MUC3A: variants seen among roughly 807,000 people sequenced by gnomAD.
The protein encoded by MUC3A is mucin-3A.
Under a neutral mutation model 109.0 loss-of-function variants are expected in MUC3A, and 109 were observed. The observed-to-expected ratio is 1.00, with a 90% CI of 0.86 to 1.17. The LOEUF (loss-of-function observed/expected upper bound fraction) is 1.17, where lower values mean the gene tolerates loss of function less well. Among genes scored for constraint, MUC3A ranks in the 50% most tolerant of loss-of-function variants. MUC3A has a pLI of 0.00. For synonymous variants in MUC3A, 1,398 were observed against 981.4 expected, an observed-to-expected ratio of 1.42 and a Z score of -7.93; for missense variants, 3,537 against 2,469.4, an observed-to-expected ratio of 1.43 and a Z score of -9.16.
chr7:100,966,430 A>T lies in MUC3A; in HGVS notation c.9656A>T (p.Glu3219Val). The change falls in exon 9 of 12, where the codon GAG (glutamate) becomes GTG (valine). Residue 3219 changes from glutamate to valine, a missense_variant. By Grantham distance (121) the Glu-to-Val change is moderately radical. Transcript: ENST00000379458. ...DTHWFSGPRC[E>V]VAVHWRALVG... The stretch of plus-strand genomic sequence containing the variant: ...CACTGGTTCTCTGGCCCGCGCTGCG[A>T]GGTGGCCGTCCACTGGAGGGCGCTG... 7.4e-7 allele frequency: 1 copy of T among 1,348,418 alleles called. No homozygotes were observed. The highest frequency in any genetic ancestry group is 9.5e-7 in the Non-Finnish European group (1 of 1,057,072). The allele number at this position is 1,348,418 out of a possible 1,614,324, so 83.5% of individuals were successfully genotyped here. A position where few individuals can be genotyped will look rare whatever the true frequency, so the allele number is the denominator to read the frequency against.
intron 3 of MUC3A, 76 bp downstream of exon 3, chr7:100,961,013 T>G: frequency 1.3e-6 from 2 of 1,593,494 alleles, no homozygotes; most frequent in South Asian, 2.2e-5. Flanking sequence ...TATCCCTCTG[T>G]GGGGCCTGGA....
At position 100,952,256 on chromosome 7, in the gene MUC3A, G is replaced by A. The variant is rs79035545; in HGVS notation, c.477G>A (p.Ser159=). ...TQVAFTSSYT[S]TPVTQKPVTT... is the part of the protein sequence containing the mutation. The stretch of plus-strand genomic sequence containing the variant: ...TGGCCTTCACCAGCTCTTACACCTC[G>A]ACTCCCGTGACACAGAAGCCAGTGA... The change falls in exon 2 of 12, where the codon TCG becomes TCA. Residue 159 remains serine, a synonymous_variant. Coordinates refer to ENST00000379458, the MANE Select transcript of MUC3A (RefSeq NM_005960.2). The A allele has an allele frequency of 3.1e-6, 5 of 1,597,808 alleles. No homozygotes were observed. Among genetic ancestry groups the A allele is most frequent in the East Asian group, 2.2e-5 (1 of 44,884 alleles).
rs772279518 is a variant in MUC3A at position 100,960,106 on chromosome 7, C to T, written c.8327C>T (p.Thr2776Ile). 1.3e-6 allele frequency: 2 copies of T among 1,533,816 alleles called. No homozygotes were observed. Among genetic ancestry groups the T allele is most frequent in the South Asian group, 2.5e-5 (2 of 78,938 alleles). ...CCCTGTCCAGGAACTATAACAATTA[C>T]CATAGTCCCTGCCTCCCCCACTGAT... ...TTPCPGTITI[T>I]IVPASPTDPC... The change falls in exon 2 of 12, where the codon ACC (threonine) becomes ATC (isoleucine). Residue 2776 changes from threonine to isoleucine, a missense_variant. Thr to Ile is a moderately conservative substitution (Grantham distance 89). Coordinates refer to ENST00000379458, the MANE Select transcript of MUC3A (RefSeq NM_005960.2).
chr7:100,954,750 C>G lies in MUC3A; in HGVS notation c.2971C>G (p.Pro991Ala), dbSNP rs1278909924. ...ATTCCCTGAGACCACTACACTGACT[C>G]CTACAACTGACATTTCTACAGTATC... is the stretch of plus-strand genomic sequence containing the variant. ...ATFPETTTLT[P>A]TTDISTVSLT... Residue 991 changes from proline (P) to alanine (A), a missense_variant, in exon 2 of 12, where the codon CCT becomes GCT. Physicochemically the swap from Pro to Ala is conservative, Grantham distance 27. Transcript: ENST00000379458. 4 of 401,840 alleles carry G rather than the reference C, an allele frequency of 1.0e-5. No individual in the cohort carries two copies. The highest frequency in any genetic ancestry group is 8.2e-5 in the African/African-American group (4 of 48,570). The allele number at this position is 401,840 out of a possible 1,614,324, so 24.9% of individuals were successfully genotyped here.
intron 5 of MUC3A, chr7:100,964,026 C>A: frequency 1.7e-6 from 1 of 598,414 alleles, no homozygotes. Flanking sequence ...TTGTCCCCCT[C>A]TGGCTGGCCC....
chr7:100,954,122 C>T lies in MUC3A; in HGVS notation c.2343C>T (p.Thr781=), dbSNP rs1470511808. 8.4e-6 allele frequency: 5 copies of T among 598,300 alleles called. No individual in the cohort carries two copies. The highest frequency in any genetic ancestry group is 2.9e-5 in the East Asian group (1 of 34,152). The allele number at this position is 598,300 out of a possible 1,614,324, so 37.1% of individuals were successfully genotyped here. Residue 781 remains threonine (T), a synonymous_variant, in exon 2 of 12, where the codon ACC becomes ACT. Transcript: ENST00000379458. The part of the protein sequence containing the change: ...SHSTTSFTSS[T]VYSTASTYTT... The stretch of plus-strand genomic sequence containing the variant: ...GTACCACCAGCTTCACTTCTTCAAC[C>T]GTCTACTCCACAGCCAGCACATACA...
At position 100,959,215 on chromosome 7, in the gene MUC3A, C is replaced by G. The variant is rs1250776564; in HGVS notation, c.7436C>G (p.Ser2479Cys). 1.9e-6 allele frequency: 3 copies of G among 1,598,364 alleles called. No individual in the cohort carries two copies. Among genetic ancestry groups the G allele is most frequent in the African/African-American group, 2.7e-5 (2 of 74,960 alleles). ...ACTCCCACACCTGTAACCCCATCTT[C>G]TCTGAGTACAGACATCCCGACCACA... ...AVTPTPVTPS[S>C]LSTDIPTTSL... is the part of the protein sequence containing the mutation. The change falls in exon 2 of 12, where the codon TCT becomes TGT. Residue 2479 changes from serine to cysteine, a missense_variant. Ser to Cys is a moderately radical substitution (Grantham distance 112). Coordinates refer to ENST00000379458, the MANE Select transcript of MUC3A (RefSeq NM_005960.2).
At chr7:100,961,040 T>G (rs925921539) in intron 3 of MUC3A, 103 bp downstream of exon 3, 3 of 1,570,530 alleles carry the variant, frequency 1.9e-6, no homozygotes, top group Non-Finnish European at 2.6e-6. Context: ...CATGCCTTTT[T>G]GCCCGGTCCT....
Position 100,957,429 on chromosome 7 carries a change from A to G in MUC3A, c.5650A>G (p.Thr1884Ala). Residue 1884 changes from threonine to alanine, a missense_variant, in exon 2 of 12, where the codon ACA becomes GCA. Thr to Ala is a moderately conservative substitution (Grantham distance 58, BLOSUM62 0). Coordinates refer to ENST00000379458, the MANE Select transcript of MUC3A (RefSeq NM_005960.2). Reference sequence around the variant, plus strand: ...CTCTTCCTCTCTCCTCACCACAGTAACAGCCACAGTTCCAACAACAAACTT... The same window carrying G: ...CTCTTCCTCTCTCCTCACCACAGTAGCAGCCACAGTTCCAACAACAAACTT... Reference protein sequence around the residue: ...PTSSSLLTTVTATVPTTNLVT... With the variant: ...PTSSSLLTTVAATVPTTNLVT... 1.3e-6 allele frequency: 1 copy of G among 796,812 alleles called. No individual in the cohort carries two copies. The highest frequency in any genetic ancestry group is 1.7e-6 in the Non-Finnish European group (1 of 597,326). 49.4% of individuals were successfully genotyped at this position (796,812 alleles called of 1,614,324 possible). A position where few individuals can be genotyped will look rare whatever the true frequency, so the allele number is the denominator to read the frequency against.
At chr7:100,951,338 C>T (rs1275109634) in intron 1 of MUC3A, among the ~76,000 whole-genome samples, 1 of 152,280 alleles carries the variant, frequency 6.6e-6, no homozygotes, top group Non-Finnish European at 1.5e-5. Context: ...TGTGATGCGC[C>T]CCCTGCCAGG....
chr7:100,949,893 A>ACC (rs142704104), intron 1 of MUC3A, among the ~76,000 whole-genome samples: 9,628 of 150,440 alleles, frequency 0.064, 403 homozygotes, highest in Non-Finnish European at 0.088. Context: ...TGCAGGGAAA[A>ACC]CCGAGGTTGG....
rs748219787 is a variant in MUC3A at position 100,952,191 on chromosome 7, A to G, written c.412A>G (p.Ile138Val). The change falls in exon 2 of 12, where the codon ATC (isoleucine) becomes GTC (valine). Residue 138 changes from isoleucine (I) to valine (V), a missense_variant. Ile to Val is a conservative substitution (Grantham distance 29). Transcript: ENST00000379458. ...CVYPTSFIIT[I>V]SHPTSICVTT... ...GTATCCAACGAGCTTTATAATCACC[A>G]TCTCCCACCCCACCTCCATCTGTGT... The G allele has an allele frequency of 1.3e-6, 2 of 1,598,530 alleles. No homozygotes were observed. Among genetic ancestry groups the G allele is most frequent in the African/African-American group, 1.3e-5 (1 of 75,074 alleles).
chr7:100,949,807 T>G, intron 1 of MUC3A, 122 bp downstream of exon 1: 25 of 949,844 alleles, frequency 2.6e-5, no homozygotes, highest in East Asian at 3.1e-5. Flanking sequence ...CTTGGGGCTC[T>G]GGGTGCAGGG....
chr7:100,965,686 C>T lies in MUC3A; in HGVS notation c.9449-18C>T, dbSNP rs201393922. 29 of 1,592,994 alleles carry T rather than the reference C, an allele frequency of 1.8e-5. No individual in the cohort carries two copies. The highest frequency in any genetic ancestry group is 1.8e-4 in the South Asian group (16 of 90,102). On this transcript the variant is annotated intron_variant, in intron 7 of 11. Transcript: ENST00000379458. ...GATGAGGTCCTTGTCTCTGTGCATC[C>T]CCCTCCCCAACCCCCAGCCATCTGC...
intron 3 of MUC3A, among the ~76,000 whole-genome samples, chr7:100,961,468 C>T (rs553307192): frequency 1.6e-4 from 19 of 116,992 alleles, no homozygotes; most frequent in Admixed American, 1.1e-3. Flanking sequence ...ATTGCTTCTC[C>T]CACTGTTAAG....
chr7:100,956,797 G>C lies in MUC3A; in HGVS notation c.5018G>C (p.Gly1673Ala). Residue 1673 changes from glycine (G) to alanine (A), a missense_variant, in exon 2 of 12, where the codon GGG becomes GCG. Gly to Ala is a moderately conservative substitution (Grantham distance 60, BLOSUM62 0). Transcript: ENST00000379458. ...FSSSMSASSVGTTHTQSISSP... is the reference protein window; with the variant it reads ...FSSSMSASSVATTHTQSISSP... ...TCTTCCATGTCTGCCAGCAGTGTAG[G>C]GACCACTCACACCCAGAGTATCTCC... 2.4e-6 allele frequency: 1 copy of C among 409,970 alleles called. No homozygotes were observed. The allele number at this position is 409,970 out of a possible 1,614,324, so 25.4% of individuals were successfully genotyped here.
rs1357654551 is a variant in MUC3A, at chr7:100,952,432, C to A, written c.653C>A (p.Thr218Lys). 1 of 1,598,498 alleles carries A rather than the reference C, an allele frequency of 6.3e-7. No individual in the cohort carries two copies. The highest frequency in any genetic ancestry group is 8.5e-7 in the Non-Finnish European group (1 of 1,179,822). The change falls in exon 2 of 12, where the codon ACA (threonine) becomes AAA (lysine). Residue 218 changes from threonine (T) to lysine (K), a missense_variant. By Grantham distance (78) the Thr-to-Lys change is moderately conservative. Transcript: ENST00000379458. ...VSATDTTFHT[T>K]ISSTTRTTER... ...GCCACAGACACAACCTTCCACACTA[C>A]AATCTCGTCTACAACTAGAACCACA...
Position 100,952,755 on chromosome 7 carries a change from AG to A in MUC3A, c.977del (p.Ser326ThrfsTer32). ...GGTGACCACACTCCCCACTACCATC[AG>A]CAGGTCTACACCTACATCTGAGACC... ...TLVTTLPTTI[S>X]RSTPTSETTY... On this transcript the variant is annotated frameshift_variant, in exon 2 of 12. Transcript: ENST00000379458. LOFTEE classifies it high-confidence loss of function. The A allele has an allele frequency of 6.9e-7, 1 of 1,445,876 alleles. No homozygotes were observed. Among genetic ancestry groups the A allele is most frequent in the Non-Finnish European group, 9.1e-7 (1 of 1,098,390 alleles). The allele number at this position is 1,445,876 out of a possible 1,614,324, so 89.6% of individuals were successfully genotyped here.
In MUC3A at chr7:100,966,458, C is replaced by CG. The variant is rs1306802905; in HGVS notation, c.9689dup (p.Leu3231ProfsTer46). On this transcript the variant is annotated frameshift_variant, in exon 9 of 12. Coordinates refer to ENST00000379458, the MANE Select transcript of MUC3A (RefSeq NM_005960.2). LOFTEE classifies it high-confidence loss of function. ...TGGCCGTCCACTGGAGGGCGCTGGT[C>CG]GGGGGCCTGACGGCCGGCGCCGCGC... The CG allele has an allele frequency of 1.5e-6, 2 of 1,344,098 alleles. No homozygotes were observed. The highest frequency in any genetic ancestry group is 2.5e-5 in the South Asian group (1 of 39,378). 83.3% of individuals were successfully genotyped at this position (1,344,098 alleles called of 1,614,324 possible). A position where few individuals can be genotyped will look rare whatever the true frequency, so the allele number is the denominator to read the frequency against.
Sources: gnomAD v4.1 joint callset for allele counts (sites outside exome capture counted in the v4.1 genomes callset) on GRCh38, gnomAD v4.1.1 for gene constraint, MANE v1.5 for transcripts, NCBI Gene and HGNC (gene_info 2026-07-23, HGNC 2026-07-21) for gene names.